The following RNF130 variants were observed in gnomAD, a reference collection of about 807,000 sequenced individuals.
The protein encoded by RNF130 is E3 ubiquitin-protein ligase RNF130.
RNF130 carries 21 observed loss-of-function variants against 44.6 expected under a neutral mutation model. The observed-to-expected ratio is 0.47, with a 90% CI of 0.33 to 0.68. The LOEUF (loss-of-function observed/expected upper bound fraction) is 0.68. Among genes scored for constraint, RNF130 ranks in the 30% least tolerant of loss-of-function variants. The probability of loss-of-function intolerance (pLI) is 0.02; values close to 1 mark genes in which losing one functional copy is unlikely to be tolerated. For synonymous variants in RNF130, 214 were observed against 210.4 expected, an observed-to-expected ratio of 1.02 and a Z score of -0.15; for missense variants, 479 against 560.6, an observed-to-expected ratio of 0.85 and a Z score of 1.47.
intron 1 of RNF130, among the ~76,000 whole-genome samples, chr5:180,051,663 C>T (rs966445750): frequency 3.1e-4 from 47 of 152,248 alleles, no homozygotes; most frequent in Non-Finnish European, 4.6e-4. Context: ...TGTCAGCAGC[C>T]GTCCATCATT....
At chr5:179,922,421 T>C (rs968499858) in intron 7 of RNF130, among the ~76,000 whole-genome samples, 5 of 152,178 alleles carry the variant, frequency 3.3e-5, no homozygotes, top group Admixed American at 1.3e-4. Flanking sequence ...CAAGAGATTC[T>C]TGTGCCTCAG....
intron 7 of RNF130, among the ~76,000 whole-genome samples, chr5:179,924,181 A>C: frequency 6.6e-6 from 1 of 151,780 alleles, no homozygotes; most frequent in East Asian, 1.9e-4. Flanking sequence ...CCTGTCCCTA[A>C]ACAATTTTTT....
chr5:179,946,404 C>T (rs1206669405), intron 7 of RNF130, among the ~76,000 whole-genome samples: 1 of 152,096 alleles, frequency 6.6e-6, no homozygotes. Context: ...TTTGGTCAGG[C>T]AAGACAATGG....
At chr5:180,041,150 T>C (rs1335434773) in intron 1 of RNF130, among the ~76,000 whole-genome samples, 2 of 152,218 alleles carry the variant, frequency 1.3e-5, no homozygotes, top group Admixed American at 6.5e-5. Context: ...AGTGATCCTG[T>C]TGAAATTCAA....
chr5:180,066,168 G>A (rs568373664), intron 1 of RNF130, among the ~76,000 whole-genome samples: 9 of 152,320 alleles, frequency 5.9e-5, no homozygotes, highest in African/African-American at 2.2e-4. Flanking sequence ...CTGTGGGAGG[G>A]ACCCAGTGGG....
At chr5:179,929,929 T>A (rs913430611) in intron 7 of RNF130, among the ~76,000 whole-genome samples, 1 of 152,214 alleles carries the variant, frequency 6.6e-6, no homozygotes, top group African/African-American at 2.4e-5. Flanking sequence ...TTAATTTCTC[T>A]CGATAACACA....
chr5:180,025,584 T>C (rs920934481), intron 2 of RNF130, among the ~76,000 whole-genome samples: 3 of 152,142 alleles, frequency 2.0e-5, no homozygotes, highest in African/African-American at 7.2e-5. Context: ...TTTTATTTTT[T>C]TAAAGCTACT....
intron 2 of RNF130, among the ~76,000 whole-genome samples, chr5:180,025,819 A>G (rs1447153971): frequency 6.6e-6 from 1 of 152,238 alleles, no homozygotes; most frequent in Non-Finnish European, 1.5e-5. Flanking sequence ...TTTAAACGGT[A>G]AAACAATAGT....
chr5:179,990,694 C>G (rs867259312), intron 3 of RNF130, among the ~76,000 whole-genome samples: 1 of 152,230 alleles, frequency 6.6e-6, no homozygotes, highest in Non-Finnish European at 1.5e-5. Context: ...TTCCCAGACA[C>G]TGGCGTTACC....
chr5:179,980,192 G>A lies in RNF130; in HGVS notation c.702C>T (p.Leu234=), dbSNP rs550131791. 1.7e-5 allele frequency: 28 copies of A among 1,613,886 alleles called. No individual in the cohort carries two copies. In the East Asian group the frequency reaches 4.7e-4, roughly 27 times the overall value. The change falls in exon 4 of 9, where the codon CTC becomes CTT. Residue 234 remains leucine (L), a synonymous_variant. Coordinates refer to ENST00000521389, the MANE Select transcript of RNF130 (RefSeq NM_018434.6). ...TNARDRNQRR[L]GDAAKKAISK... ...TGATGGCTTTCTTGGCTGCATCTCCGAGACGACGCTATGAAAATTGCAAAT... is the reference window on the plus strand; with the variant it reads ...TGATGGCTTTCTTGGCTGCATCTCCAAGACGACGCTATGAAAATTGCAAAT...
chr5:180,067,692 A>G lies in RNF130; in HGVS notation c.247+3764T>C, dbSNP rs182365080. Among the ~76,000 whole-genome samples, 10 of 152,232 alleles carry G rather than the reference A, an allele frequency of 6.6e-5. No individual in the cohort carries two copies. The East Asian group carries it at 1.5e-3, about 24-fold the overall frequency. ...GCCAGCCTATTTATGTTAAAATTTG[A>G]TTTTTAGAGCCTCCAGCTCTTTCTG... On this transcript the variant is annotated intron_variant, in intron 1 of 8. Coordinates refer to ENST00000521389, the MANE Select transcript of RNF130 (RefSeq NM_018434.6).
chr5:179,963,351 C>A, intron 8 of RNF130, 120 bp downstream of exon 8: 1 of 702,956 alleles, frequency 1.4e-6, no homozygotes, highest in Non-Finnish European at 2.5e-6. Context: ...TAGATACGAT[C>A]CCATCAGGAT....
chr5:179,975,154 G>GTA (rs1290770086), intron 5 of RNF130, among the ~76,000 whole-genome samples: 1 of 152,222 alleles, frequency 6.6e-6, no homozygotes, highest in Non-Finnish European at 1.5e-5. Context: ...GCCACAGCAG[G>GTA]TAACACCGAC....
intron 7 of RNF130, among the ~76,000 whole-genome samples, chr5:179,943,271 T>C (rs1761990790): frequency 6.6e-6 from 1 of 152,116 alleles, no homozygotes; most frequent in African/African-American, 2.4e-5. Context: ...TATGACTGTG[T>C]GGGAGGGATT....
At chr5:180,040,417 A>G (rs1247962848) in intron 2 of RNF130, 36 bp downstream of exon 2, 2 of 1,585,560 alleles carry the variant, frequency 1.3e-6, no homozygotes, top group Non-Finnish European at 1.7e-6. Flanking sequence ...ATTTCTAAGA[A>G]GAAAAACAAA....
chr5:179,997,470 C>G (rs1249441313), intron 3 of RNF130, among the ~76,000 whole-genome samples: 3 of 152,098 alleles, frequency 2.0e-5, no homozygotes, highest in Non-Finnish European at 4.4e-5. Context: ...ACTACAGACT[C>G]CCACCACCAC....
intron 3 of RNF130, among the ~76,000 whole-genome samples, chr5:179,993,075 T>C (rs1309519272): frequency 6.6e-6 from 1 of 152,258 alleles, no homozygotes; most frequent in Admixed American, 6.5e-5. Context: ...TATGGCTGCA[T>C]AGTATTCCAT....
chr5:179,985,717 C>A (rs911686706), intron 3 of RNF130, among the ~76,000 whole-genome samples: 4 of 152,148 alleles, frequency 2.6e-5, no homozygotes, highest in Admixed American at 2.6e-4. Flanking sequence ...TGTTTAGTAG[C>A]TTTATCAATA....
intron 1 of RNF130, among the ~76,000 whole-genome samples, chr5:180,062,320 A>G (rs927296946): frequency 2.0e-5 from 3 of 151,732 alleles, no homozygotes; most frequent in African/African-American, 7.3e-5. Flanking sequence ...TCTGCCTCCC[A>G]AAGTGCTGGG....
Sources: allele counts gnomAD v4.1 joint callset (sites outside exome capture counted in the v4.1 genomes callset), GRCh38; gene constraint gnomAD v4.1.1; transcripts MANE v1.5; gene names NCBI Gene and HGNC (gene_info 2026-07-23, HGNC 2026-07-21).